ACTN4: variants seen among roughly 807,000 people sequenced by gnomAD.
ACTN4 encodes alpha-actinin-4.
In ACTN4, 18 loss-of-function variants were observed where a neutral mutation model predicts 114.2. That is an observed-to-expected ratio of 0.16 (90% CI 0.11 to 0.23). The LOEUF (loss-of-function observed/expected upper bound fraction) is 0.23, where lower values mean the gene tolerates loss of function less well. ACTN4 is among the 10% of genes least tolerant of loss of function. The pLI, the probability that ACTN4 is intolerant of heterozygous loss-of-function variation, is 1.00. For missense variants in ACTN4, 722 were observed against 1,262.9 expected (o/e 0.57, Z 6.49); for synonymous variants, 515 against 506.3 (o/e 1.02, Z -0.23).
chr19:38,723,477 A>G (rs1223042599), intron 12 of ACTN4, 137 bp from the exon 13 acceptor site: 1 of 727,740 alleles, frequency 1.4e-6, no homozygotes, highest in Non-Finnish European at 2.5e-6. Flanking sequence ...TTGATTGACC[A>G]ATTAGTGATT....
chr19:38,718,184 T>A, intron 11 of ACTN4, 110 bp downstream of exon 11: 1 of 1,524,730 alleles, frequency 6.6e-7, no homozygotes, highest in Non-Finnish European at 8.9e-7. Context: ...TTGGGTCTGT[T>A]TCTCAGGTGC....
At position 38,731,502 on chromosome 19, in the gene ACTN4, C is replaced by CTCCTTA; in HGVS notation, c.*2071_*2076dup. On this transcript the variant is annotated 3_prime_UTR_variant, in exon 21 of 21. Transcript: ENST00000252699. ...GTGACTCGATGTGTGGGTACTGTTA[C>CTCCTTA]TCCTTAAATCCTGTGGGGCTTTCTC... The CTCCTTA allele has an allele frequency of 2.0e-6, 1 of 501,204 alleles. No individual in the cohort carries two copies. Among genetic ancestry groups the CTCCTTA allele is most frequent in the Non-Finnish European group, 3.7e-6 (1 of 273,670 alleles). The allele number at this position is 501,204 out of a possible 1,614,324, so 31.0% of individuals were successfully genotyped here.
chr19:38,698,162 G>A (rs982765064), intron 1 of ACTN4, among the ~76,000 whole-genome samples: 2 of 152,118 alleles, frequency 1.3e-5, no homozygotes, highest in African/African-American at 4.8e-5. Flanking sequence ...GGGAGGAGAT[G>A]CTGGGAGGCA....
intron 3 of ACTN4, among the ~76,000 whole-genome samples, chr19:38,704,540 G>A (rs1482402181): frequency 2.0e-5 from 3 of 152,286 alleles, no homozygotes; most frequent in Non-Finnish European, 4.4e-5. Flanking sequence ...GTGCCCCCCT[G>A]TAGTCAGGAG....
intron 1 of ACTN4, among the ~76,000 whole-genome samples, chr19:38,691,417 A>AAAAAC (rs1967923809): frequency 6.7e-6 from 1 of 150,366 alleles, no homozygotes; most frequent in African/African-American, 2.4e-5. Context: ...AAAAAAAACA[A>AAAAAC]AAAAAACAAA....
At chr19:38,704,796 C>T in intron 3 of ACTN4, 138 bp from the exon 4 acceptor site, 1 of 741,360 alleles carries the variant, frequency 1.3e-6, no homozygotes, top group South Asian at 1.5e-5. Flanking sequence ...TGGAGGAGGA[C>T]AGGCCTGGGA....
At chr19:38,682,462 G>A (rs1967607705) in intron 1 of ACTN4, among the ~76,000 whole-genome samples, 1 of 152,280 alleles carries the variant, frequency 6.6e-6, no homozygotes, top group East Asian at 1.9e-4. Flanking sequence ...GAGATTAGAG[G>A]TGTGAGCCAC....
chr19:38,679,464 C>T (rs1442601538), intron 1 of ACTN4, among the ~76,000 whole-genome samples: 1 of 152,176 alleles, frequency 6.6e-6, no homozygotes, highest in Non-Finnish European at 1.5e-5. Context: ...TACCTGTCAC[C>T]TGCATCAGTG....
chr19:38,728,409 C>A lies in ACTN4; in HGVS notation c.2418+383C>A, dbSNP rs779185950. 41 of 910,612 alleles carry A rather than the reference C, an allele frequency of 4.5e-5. No homozygotes were observed. In the East Asian group the frequency reaches 2.1e-3, roughly 46 times the overall value. 56.4% of individuals were successfully genotyped at this position (910,612 alleles called of 1,614,324 possible). On this transcript the variant is annotated intron_variant, in intron 19 of 20. Transcript: ENST00000252699. ...ATGCAGCTCTGTCTCCCCAGCCACC[C>A]GCTCCTCCTCCTCCTCCTCCTCCTC... is the stretch of plus-strand genomic sequence containing the variant.
In ACTN4 at chr19:38,717,367, T is replaced by G. The variant is rs937309865; in HGVS notation, c.1143+51T>G. On this transcript the variant is annotated intron_variant, in intron 10 of 20. Transcript: ENST00000252699. The surrounding 1 kb of genome is among the most constrained non-coding windows in gnomAD (Gnocchi z 4.0). The stretch of plus-strand genomic sequence containing the variant: ...CAGCTGTGAGGGGCAGAGGCAGCCC[T>G]AGAACTGCCTGTGGGCAGTTTGGCC... 8.8e-6 allele frequency: 14 copies of G among 1,590,312 alleles called. No homozygotes were observed. The highest frequency in any genetic ancestry group is 1.2e-5 in the Non-Finnish European group (14 of 1,169,318).
In ACTN4 at chr19:38,658,438, A is replaced by G. The variant is rs564426138; in HGVS notation, c.162+10531A>G. ...CAAGTAACTTTTTTTTTAAATCCAC[A>G]TCCTCCCTAATCCAAATCTAACAGC... On this transcript the variant is annotated intron_variant, in intron 1 of 20. Coordinates refer to ENST00000252699, the MANE Select transcript of ACTN4 (RefSeq NM_004924.6). Among the ~76,000 whole-genome samples the G allele has an allele frequency of 4.6e-5, 7 of 152,262 alleles. No individual in the cohort carries two copies. In the South Asian group the frequency reaches 1.5e-3, roughly 32 times the overall value.
chr19:38,654,253 G>T (rs928974586), intron 1 of ACTN4, among the ~76,000 whole-genome samples: 2 of 152,162 alleles, frequency 1.3e-5, no homozygotes, highest in Non-Finnish European at 2.9e-5. Context: ...CCCAGGGAAG[G>T]ATCCCGCCTC....
At chr19:38,721,870 C>A in intron 12 of ACTN4, 182 bp downstream of exon 12, 1 of 859,362 alleles carries the variant, frequency 1.2e-6, no homozygotes, top group Non-Finnish European at 1.9e-6. Flanking sequence ...TTTGCCCATC[C>A]TGTCTCAGCC....
intron 1 of ACTN4, among the ~76,000 whole-genome samples, chr19:38,689,698 G>C: frequency 6.6e-6 from 1 of 151,394 alleles, no homozygotes; most frequent in East Asian, 1.9e-4. Context: ...CTTTGAGATG[G>C]AGTCTCGCTC....
At chr19:38,708,669 T>C (rs1173845870) in intron 6 of ACTN4, among the ~76,000 whole-genome samples, 1 of 152,054 alleles carries the variant, frequency 6.6e-6, no homozygotes, top group Non-Finnish European at 1.5e-5. Flanking sequence ...AGGACAAAAA[T>C]TGTGTCCAAA....
rs527579542 is a variant in ACTN4 at position 38,675,603 on chromosome 19, G to A, written c.163-24997G>A. ...AGGATCTTTGTGAACATCTTGAGCC[G>A]CGTTCTTGATCGCTGGCTGTGGAAG... On this transcript the variant is annotated intron_variant, in intron 1 of 20. Coordinates refer to ENST00000252699, the MANE Select transcript of ACTN4 (RefSeq NM_004924.6). Among the ~76,000 whole-genome samples the A allele has an allele frequency of 1.6e-4, 24 of 152,322 alleles. 1 individual carries two copies. The highest frequency in any genetic ancestry group is 4.8e-4 in the African/African-American group (20 of 41,570).
intron 1 of ACTN4, among the ~76,000 whole-genome samples, chr19:38,696,039 C>T (rs1788772543): frequency 6.6e-6 from 1 of 152,196 alleles, no homozygotes; most frequent in Non-Finnish European, 1.5e-5. Flanking sequence ...ACTAGCACCT[C>T]CCTCCAGAGA....
chr19:38,665,825 C>T (rs970093362), intron 1 of ACTN4, among the ~76,000 whole-genome samples: 10 of 152,002 alleles, frequency 6.6e-5, no homozygotes, highest in South Asian at 2.1e-4. Context: ...TGCTATCAGC[C>T]GGGGGGCTCT....
chr19:38,676,400 G>A (rs1021637856), intron 1 of ACTN4, among the ~76,000 whole-genome samples: 1 of 152,188 alleles, frequency 6.6e-6, no homozygotes, highest in Non-Finnish European at 1.5e-5. Flanking sequence ...GTGGTTTAGG[G>A]GCTGACTCTT....
Sources: allele counts gnomAD v4.1 joint callset (sites outside exome capture counted in the v4.1 genomes callset), GRCh38; gene constraint gnomAD v4.1.1; non-coding constraint Gnocchi (gnomAD v3.1); transcripts MANE v1.5; gene names NCBI Gene and HGNC (gene_info 2026-07-23, HGNC 2026-07-21).